NEGR1: variants seen among roughly 807,000 people sequenced by gnomAD.
The protein encoded by NEGR1 is neuronal growth regulator 1, also known as IgLON family member 4.
NEGR1 carries 10 observed loss-of-function variants against 40.9 expected under a neutral mutation model. That is an observed-to-expected ratio of 0.24 (90% CI 0.15 to 0.42). The LOEUF (loss-of-function observed/expected upper bound fraction) is 0.42. Among genes scored for constraint, NEGR1 ranks in the 10% least tolerant of loss-of-function variants. NEGR1 has a pLI of 1.00. For synonymous variants in NEGR1, 185 were observed against 166.8 expected (o/e 1.11, Z -0.84); for missense variants, 352 against 438.9 (o/e 0.80, Z 1.77).
At chr1:71,795,845 A>G (rs1346538580) in intron 2 of NEGR1, among the ~76,000 whole-genome samples, 1 of 152,180 alleles carries the variant, frequency 6.6e-6, no homozygotes, top group Non-Finnish European at 1.5e-5. Context: ...TTTAGAAACT[A>G]AAAGTCCAAT....
At chr1:71,904,625 G>A (rs1007712375) in intron 2 of NEGR1, among the ~76,000 whole-genome samples, 3 of 152,028 alleles carry the variant, frequency 2.0e-5, no homozygotes, top group Non-Finnish European at 4.4e-5. Flanking sequence ...AAGTGGCTGT[G>A]AACAAATTCA....
rs1011105291 is a variant in NEGR1 at position 72,081,693 on chromosome 1, G to GA, written c.177-146383dup. Among the ~76,000 whole-genome samples the GA allele has an allele frequency of 1.2e-4, 18 of 152,116 alleles. 1 individual carries two copies. Among genetic ancestry groups the GA allele is most frequent in the African/African-American group, 4.3e-4 (18 of 41,532 alleles). ...ATAAATGAAGGAGTATATTATAGATGAAAAAACTGAGGCCTAGAAGTTTTT... is the reference window on the plus strand; with the variant it reads ...ATAAATGAAGGAGTATATTATAGATGAAAAAAACTGAGGCCTAGAAGTTTTT... On this transcript the variant is annotated intron_variant, in intron 1 of 6. Coordinates refer to ENST00000357731, the MANE Select transcript of NEGR1 (RefSeq NM_173808.3).
At chr1:72,189,720 T>A (rs1339457360) in intron 1 of NEGR1, among the ~76,000 whole-genome samples, 1 of 151,550 alleles carries the variant, frequency 6.6e-6, no homozygotes, top group Non-Finnish European at 1.5e-5. Flanking sequence ...TGAGAGATAT[T>A]TCTGTTTTAT....
chr1:71,738,867 T>C (rs1402285788), intron 3 of NEGR1, among the ~76,000 whole-genome samples: 1 of 152,168 alleles, frequency 6.6e-6, no homozygotes, highest in Admixed American at 6.5e-5. Context: ...GTTTATACAT[T>C]GTATGTAACA....
At chr1:71,611,467 A>G (rs975996497) in intron 4 of NEGR1, among the ~76,000 whole-genome samples, 3 of 152,198 alleles carry the variant, frequency 2.0e-5, no homozygotes, top group Admixed American at 6.5e-5. Context: ...TACTGCAGTA[A>G]TAGTTCTCAT....
chr1:71,794,519 G>C (rs1657246078), intron 2 of NEGR1: 2 of 151,992 alleles, frequency 1.3e-5, no homozygotes, highest in Non-Finnish European at 2.9e-5. Context: ...AATCAATGGT[G>C]CTAGGCAATT....
At chr1:71,724,685 A>G (rs2101657119) in intron 3 of NEGR1, among the ~76,000 whole-genome samples, 1 of 152,272 alleles carries the variant, frequency 6.6e-6, no homozygotes, top group Admixed American at 6.5e-5. Context: ...AACCAGCACA[A>G]TGCTCAGCCC....
chr1:71,457,910 G>T (rs915675652), intron 6 of NEGR1, among the ~76,000 whole-genome samples: 8 of 152,042 alleles, frequency 5.3e-5, no homozygotes, highest in Non-Finnish European at 1.0e-4. Context: ...CACTGTGTTA[G>T]CCAGGATGGT....
chr1:72,189,159 A>G (rs1186657525), intron 1 of NEGR1, among the ~76,000 whole-genome samples: 1 of 151,392 alleles, frequency 6.6e-6, no homozygotes, highest in Non-Finnish European at 1.5e-5. Context: ...CATAATAAAA[A>G]TCTCTTATTT....
At chr1:72,040,112 C>T (rs377366039) in intron 1 of NEGR1, among the ~76,000 whole-genome samples, 8 of 152,054 alleles carry the variant, frequency 5.3e-5, no homozygotes, top group African/African-American at 1.9e-4. Flanking sequence ...CATATCATTA[C>T]ATTTAGCCAT....
chr1:71,819,277 C>T (rs1219817085), intron 2 of NEGR1, among the ~76,000 whole-genome samples: 1 of 151,902 alleles, frequency 6.6e-6, no homozygotes, highest in Non-Finnish European at 1.5e-5. Context: ...AGATGTCCGA[C>T]AACAAAGACT....
At chr1:72,110,221 T>TA (rs57618301) in intron 1 of NEGR1, among the ~76,000 whole-genome samples, 6,111 of 106,956 alleles carry the variant, frequency 0.057, 136 homozygotes, top group African/African-American at 0.082. Context: ...TAGAGTATAA[T>TA]AAAAAAAAAA....
intron 2 of NEGR1, among the ~76,000 whole-genome samples, chr1:71,901,628 T>C (rs1248724765): frequency 6.6e-6 from 1 of 151,992 alleles, no homozygotes; most frequent in African/African-American, 2.4e-5. Flanking sequence ...CTGATGAGCT[T>C]TTTTTCTAAA....
intron 6 of NEGR1, among the ~76,000 whole-genome samples, chr1:71,426,966 C>T (rs907042948): frequency 6.6e-6 from 1 of 152,190 alleles, no homozygotes; most frequent in Admixed American, 6.5e-5. Flanking sequence ...GAAGCTCACA[C>T]GGCAGCCATG....
intron 2 of NEGR1, among the ~76,000 whole-genome samples, chr1:71,918,587 T>A (rs1352073574): frequency 1.3e-5 from 2 of 152,104 alleles, no homozygotes; most frequent in African/African-American, 2.4e-5. Context: ...CTTTACTAGG[T>A]CAGAGGCTTC....
At chr1:72,269,640 T>C (rs1655776059) in intron 1 of NEGR1, among the ~76,000 whole-genome samples, 1 of 151,732 alleles carries the variant, frequency 6.6e-6, no homozygotes. Flanking sequence ...TGAGGATTCA[T>C]TGCAGTGACC....
At chr1:72,061,812 C>A (rs1264550595) in intron 1 of NEGR1, among the ~76,000 whole-genome samples, 1 of 151,726 alleles carries the variant, frequency 6.6e-6, no homozygotes, top group Non-Finnish European at 1.5e-5. Context: ...AAATTGTATT[C>A]TATGAAGCAA....
intron 1 of NEGR1, among the ~76,000 whole-genome samples, chr1:71,995,351 A>C: frequency 6.6e-6 from 1 of 152,036 alleles, no homozygotes; most frequent in East Asian, 1.9e-4. Context: ...GTATGAAAAA[A>C]CGGTTCTATG....
intron 2 of NEGR1, among the ~76,000 whole-genome samples, chr1:71,866,679 A>T (rs1660123534): frequency 1.3e-5 from 2 of 152,184 alleles, no homozygotes; most frequent in African/African-American, 4.8e-5. Context: ...TTCTGAGAGG[A>T]CAGGGTAACT....
Sources: allele counts gnomAD v4.1 joint callset (sites outside exome capture counted in the v4.1 genomes callset), GRCh38; gene constraint gnomAD v4.1.1; transcripts MANE v1.5; gene names NCBI Gene and HGNC (gene_info 2026-07-23, HGNC 2026-07-21).